CA10: variants seen among roughly 807,000 people sequenced by gnomAD.
CA10 encodes carbonic anhydrase 10 (inactive), also known as carbonic anhydrase-related protein 10.
Under a neutral mutation model 44.2 loss-of-function variants are expected in CA10, and 14 were observed. The ratio of observed to expected loss-of-function variants is 0.32; its 90% confidence interval spans 0.21 to 0.50. CA10 has a LOEUF of 0.50. CA10 is among the 20% of genes least tolerant of loss of function. The probability of loss-of-function intolerance (pLI) is 0.99; values close to 1 mark genes in which losing one functional copy is unlikely to be tolerated. For synonymous variants in CA10, 159 were observed against 141.6 expected (o/e 1.12, Z -0.87); for missense variants, 350 against 409.7 (o/e 0.85, Z 1.26).
At chr17:51,674,510 G>T (rs1914544723) in intron 4 of CA10, among the ~76,000 whole-genome samples, 1 of 152,150 alleles carries the variant, frequency 6.6e-6, no homozygotes, top group Admixed American at 6.5e-5. Flanking sequence ...GGATGAAATA[G>T]CAAACAATAT....
intron 2 of CA10, among the ~76,000 whole-genome samples, chr17:51,947,642 T>A (rs79530742): frequency 3.2e-4 from 48 of 152,266 alleles, no homozygotes; most frequent in African/African-American, 1.1e-3. Context: ...CTTTGTAGCA[T>A]AGATTAAGTC....
chr17:51,917,864 C>T (rs1344977023), intron 3 of CA10, among the ~76,000 whole-genome samples: 1 of 152,150 alleles, frequency 6.6e-6, no homozygotes, highest in Non-Finnish European at 1.5e-5. Context: ...TGGGATCAGG[C>T]TATGGTTGGA....
At chr17:51,877,471 C>T (rs552389735) in intron 3 of CA10, among the ~76,000 whole-genome samples, 5 of 152,218 alleles carry the variant, frequency 3.3e-5, no homozygotes, top group African/African-American at 9.6e-5. Flanking sequence ...TTTACTCTTC[C>T]CTGACCATCC....
chr17:52,128,514 A>T (rs1331074063), intron 1 of CA10, among the ~76,000 whole-genome samples: 1 of 152,160 alleles, frequency 6.6e-6, no homozygotes, highest in African/African-American at 2.4e-5. Context: ...GGTAATTCTC[A>T]TATCAGAACT....
At chr17:51,718,682 C>T (rs950919366) in intron 4 of CA10, among the ~76,000 whole-genome samples, 8 of 152,164 alleles carry the variant, frequency 5.3e-5, no homozygotes, top group African/African-American at 1.9e-4. Flanking sequence ...ATTATTTGGC[C>T]TCTGAAGTGG....
intron 2 of CA10, among the ~76,000 whole-genome samples, chr17:51,988,199 A>G (rs1252895382): frequency 6.6e-6 from 1 of 152,044 alleles, no homozygotes; most frequent in Non-Finnish European, 1.5e-5. Context: ...CAGGGCAACC[A>G]CTAAGTTAAA....
chr17:51,998,021 G>A (rs1985296213), intron 2 of CA10, among the ~76,000 whole-genome samples: 1 of 152,006 alleles, frequency 6.6e-6, no homozygotes, highest in African/African-American at 2.4e-5. Flanking sequence ...GCTATCAAGT[G>A]GCAAACTGGA....
intron 3 of CA10, among the ~76,000 whole-genome samples, chr17:51,897,766 T>C (rs1981135895): frequency 1.3e-5 from 2 of 152,142 alleles, no homozygotes; most frequent in Admixed American, 6.6e-5. Context: ...ATTCTCATTG[T>C]AGAGATCTTT....
chr17:52,035,076 G>T (rs996374244), intron 2 of CA10, among the ~76,000 whole-genome samples: 3 of 152,130 alleles, frequency 2.0e-5, no homozygotes, highest in Middle Eastern at 3.2e-3. Context: ...CTCTGGTGAA[G>T]CCCCACCTTC....
intron 3 of CA10, among the ~76,000 whole-genome samples, chr17:51,751,286 G>A (rs575679141): frequency 1.3e-5 from 2 of 152,304 alleles, no homozygotes; most frequent in East Asian, 1.9e-4. Context: ...GAGAGAGTTA[G>A]TATTTAATGA....
At chr17:51,807,503 A>G (rs1036911727) in intron 3 of CA10, among the ~76,000 whole-genome samples, 7 of 152,180 alleles carry the variant, frequency 4.6e-5, no homozygotes, top group Non-Finnish European at 8.8e-5. Context: ...CTGTTTTCTC[A>G]CCACTAATTT....
At chr17:52,045,696 A>G (rs1185846262) in intron 2 of CA10, among the ~76,000 whole-genome samples, 1 of 151,998 alleles carries the variant, frequency 6.6e-6, no homozygotes, top group Non-Finnish European at 1.5e-5. Context: ...TAATTGACAT[A>G]ACTATGAAAA....
intron 2 of CA10, among the ~76,000 whole-genome samples, chr17:52,009,875 A>G (rs191081781): frequency 2.1e-4 from 32 of 152,116 alleles, no homozygotes; most frequent in African/African-American, 7.5e-4. Context: ...ACGAGTATCC[A>G]AAATCTAAAA....
At chr17:51,794,888 G>A (rs1906649570) in intron 3 of CA10, among the ~76,000 whole-genome samples, 1 of 152,162 alleles carries the variant, frequency 6.6e-6, no homozygotes, top group Non-Finnish European at 1.5e-5. Flanking sequence ...TTTAAATAGG[G>A]TTTATTGTAA....
intron 4 of CA10, among the ~76,000 whole-genome samples, chr17:51,721,488 C>A (rs184776205): frequency 6.6e-6 from 1 of 152,040 alleles, no homozygotes; most frequent in Non-Finnish European, 1.5e-5. Flanking sequence ...AGGCGCCTGC[C>A]ACCACACCTA....
chr17:51,632,953 G>A (rs1336078947), intron 8 of CA10, among the ~76,000 whole-genome samples: 1 of 152,120 alleles, frequency 6.6e-6, no homozygotes, highest in East Asian at 1.9e-4. Context: ...TTACCCCATT[G>A]GATTCTAATG....
In CA10 at chr17:51,630,537, G is replaced by C. The variant is rs778805610; in HGVS notation, c.*1047C>G. 6.6e-6 allele frequency: 1 copy of C among 152,656 alleles called. No homozygotes were observed. The highest frequency in any genetic ancestry group is 2.4e-5 in the African/African-American group (1 of 41,460). The allele number at this position is 152,656 out of a possible 1,614,324, so 9.5% of individuals were successfully genotyped here. On this transcript the variant is annotated 3_prime_UTR_variant, in exon 9 of 9. Transcript: ENST00000451037. ...GGCAGTTTTGAAACGCAAGAAGTCT[G>C]TCGCCTGCTATCTCAGGCTGAAGCT... is the stretch of plus-strand genomic sequence containing the variant.
chr17:52,009,354 G>A (rs1176021488), intron 2 of CA10, among the ~76,000 whole-genome samples: 1 of 151,786 alleles, frequency 6.6e-6, no homozygotes, highest in African/African-American at 2.4e-5. Context: ...AATATTTGAT[G>A]AATAAATACT....
chr17:51,694,129 G>A (rs1027226491), intron 4 of CA10, among the ~76,000 whole-genome samples: 12 of 151,922 alleles, frequency 7.9e-5, no homozygotes, highest in South Asian at 6.2e-4. Flanking sequence ...GCTTGAACCC[G>A]GGAGGCAGAG....
Sources: allele counts gnomAD v4.1 joint callset (sites outside exome capture counted in the v4.1 genomes callset), GRCh38; gene constraint gnomAD v4.1.1; transcripts MANE v1.5; gene names NCBI Gene and HGNC (gene_info 2026-07-23, HGNC 2026-07-21).